GIGYF2: variants seen among roughly 807,000 people sequenced by gnomAD.
GIGYF2 encodes the protein GRB10-interacting GYF protein 2.
GIGYF2 carries 25 observed loss-of-function variants against 208.1 expected under a neutral mutation model. The observed-to-expected ratio is 0.12, with a 90% CI of 0.09 to 0.17. The LOEUF (loss-of-function observed/expected upper bound fraction) is 0.17. Among genes scored for constraint, GIGYF2 ranks in the 10% least tolerant of loss-of-function variants. The pLI, the probability that GIGYF2 is intolerant of heterozygous loss-of-function variation, is 1.00. For synonymous variants in GIGYF2, 534 were observed against 543.8 expected (o/e 0.98, Z 0.25); for missense variants, 1,302 against 1,579.4 (o/e 0.82, Z 2.98).
At chr2:232,720,583 A>ATATTTTTT (rs376956632) in intron 2 of GIGYF2, among the ~76,000 whole-genome samples, 1,507 of 144,920 alleles carry the variant, frequency 0.01, 14 homozygotes, top group South Asian at 0.03. Flanking sequence ...ATATATATAT[A>ATATTTTTT]TTTTTGTTTG....
At chr2:232,722,178 C>T (rs7557131) in intron 2 of GIGYF2, among the ~76,000 whole-genome samples, 28,667 of 152,070 alleles carry the variant, frequency 0.19, 2,952 homozygotes, top group Non-Finnish European at 0.22. Flanking sequence ...CTTGTATTAG[C>T]CCATTTTCAT....
At chr2:232,783,740 G>A (rs1187590474) in intron 8 of GIGYF2, among the ~76,000 whole-genome samples, 1 of 152,120 alleles carries the variant, frequency 6.6e-6, no homozygotes, top group Non-Finnish European at 1.5e-5. Flanking sequence ...AGGCTGGAGT[G>A]CAATGGTGCG....
intron 8 of GIGYF2, among the ~76,000 whole-genome samples, chr2:232,782,355 G>T (rs1175725330): frequency 2.6e-5 from 4 of 152,136 alleles, no homozygotes; most frequent in African/African-American, 9.7e-5. Flanking sequence ...GAGCCACCAT[G>T]CCTGGCCAGT....
intron 1 of GIGYF2, 67 bp from the exon 2 acceptor site, chr2:232,703,357 G>A (rs1188157013): frequency 6.6e-6 from 1 of 152,588 alleles, no homozygotes; most frequent in Non-Finnish European, 1.5e-5. Context: ...TATGATGAAA[G>A]ATTGTACTTT....
At position 232,790,639 on chromosome 2, in the gene GIGYF2, T is replaced by C. The variant is rs114806808; in HGVS notation, c.713-59T>C. ...CTCCTTTATTTTCTATTCCTGATTT[T>C]CTTATTCAAATACTGTCATAAAACT... On this transcript the variant is annotated intron_variant, in intron 9 of 28. Transcript: ENST00000373563. The C allele has an allele frequency of 1.0e-3, 1,367 of 1,355,004 alleles. 7 individuals carry two copies. The African/African-American group carries it at 0.018, about 18-fold the overall frequency. The allele number at this position is 1,355,004 out of a possible 1,614,324, so 83.9% of individuals were successfully genotyped here.
At chr2:232,748,920 ATCT>A in intron 4 of GIGYF2, 64 bp from the exon 5 acceptor site, 2 of 804,176 alleles carry the variant, frequency 2.5e-6, no homozygotes, top group South Asian at 1.3e-5. Context: ...TCTTGGATTT[ATCT>A]TCTTGTATTT....
intron 20 of GIGYF2, among the ~76,000 whole-genome samples, chr2:232,817,916 T>C (rs191926714): frequency 6.6e-6 from 1 of 152,338 alleles, no homozygotes; most frequent in African/African-American, 2.4e-5. Context: ...ATGGTCATTC[T>C]CTTTTGAATT....
At chr2:232,718,832 T>C (rs1696816433) in intron 2 of GIGYF2, among the ~76,000 whole-genome samples, 1 of 152,106 alleles carries the variant, frequency 6.6e-6, no homozygotes, top group Admixed American at 6.6e-5. Flanking sequence ...TGGAAAAACG[T>C]AGGTAGGCAG....
At chr2:232,760,807 G>C (rs1353470719) in intron 7 of GIGYF2, among the ~76,000 whole-genome samples, 2 of 149,592 alleles carry the variant, frequency 1.3e-5, no homozygotes, top group Admixed American at 6.8e-5. Flanking sequence ...ATGAGTGCCA[G>C]CATAGTTAAT....
At position 232,838,974 on chromosome 2, in the gene GIGYF2, T is replaced by G. The variant is rs1701733891; in HGVS notation, c.2767-875T>G. On this transcript the variant is annotated intron_variant, in intron 22 of 28. Coordinates refer to ENST00000373563, the MANE Select transcript of GIGYF2 (RefSeq NM_001103146.3). ...TGATGGTTTAAACTGTTTATACCTT[T>G]TATCCTATCAATATCCACTGTTATA... 2.0e-5 allele frequency among the ~76,000 whole-genome samples: 3 copies of G among 152,354 alleles called. No homozygotes were observed. In the South Asian group the frequency reaches 6.2e-4, roughly 32 times the overall value.
Position 232,777,176 on chromosome 2 carries a change from C to T in GIGYF2, c.533-9974C>T, listed in dbSNP as rs2289916. Among the ~76,000 whole-genome samples the T allele has an allele frequency of 0.013, 1,966 of 151,824 alleles. 87 individuals are homozygous for T. The East Asian group carries it at 0.17, about 13-fold the overall frequency. Reference sequence around the variant, plus strand: ...TAGGAATAAAATTAATTGTTCTGTACCTGATACTTTAAAAAATGCACACCT... The same window carrying T: ...TAGGAATAAAATTAATTGTTCTGTATCTGATACTTTAAAAAATGCACACCT... On this transcript the variant is annotated intron_variant, in intron 8 of 28. Coordinates refer to ENST00000373563, the MANE Select transcript of GIGYF2 (RefSeq NM_001103146.3).
intron 15 of GIGYF2, among the ~76,000 whole-genome samples, chr2:232,809,471 G>A (rs1470589170): frequency 6.6e-6 from 1 of 152,172 alleles, no homozygotes; most frequent in Non-Finnish European, 1.5e-5. Context: ...AATGGAGAAT[G>A]GCAGCTGAAA....
chr2:232,704,332 A>G (rs751766284), intron 2 of GIGYF2, among the ~76,000 whole-genome samples: 43 of 152,166 alleles, frequency 2.8e-4, no homozygotes, highest in Non-Finnish European at 5.4e-4. Context: ...GTACATGCCT[A>G]TCTATCTTTT....
At chr2:232,773,989 C>A (rs892661055) in intron 8 of GIGYF2, among the ~76,000 whole-genome samples, 2 of 147,726 alleles carry the variant, frequency 1.4e-5, no homozygotes, top group African/African-American at 5.0e-5. Context: ...TTACAGATAA[C>A]GAAAGTGAGG....
At chr2:232,759,093 A>G (rs1262227649) in intron 6 of GIGYF2, among the ~76,000 whole-genome samples, 1 of 152,200 alleles carries the variant, frequency 6.6e-6, no homozygotes, top group Admixed American at 6.5e-5. Context: ...TACCCACAAA[A>G]TAATTTGGTG....
At chr2:232,814,476 T>C (rs914446679) in intron 18 of GIGYF2, among the ~76,000 whole-genome samples, 49 of 147,774 alleles carry the variant, frequency 3.3e-4, no homozygotes, top group Admixed American at 5.5e-4. Flanking sequence ...GGCAGGAGAA[T>C]CGCTTGAACC....
At chr2:232,729,063 C>T (rs879407312) in intron 2 of GIGYF2, among the ~76,000 whole-genome samples, 12 of 152,138 alleles carry the variant, frequency 7.9e-5, no homozygotes, top group African/African-American at 1.4e-4. Flanking sequence ...ACTGCAGTCT[C>T]GACCTCCTGG....
intron 2 of GIGYF2, among the ~76,000 whole-genome samples, chr2:232,711,226 T>G (rs1696382161): frequency 6.6e-6 from 1 of 150,554 alleles, no homozygotes. Flanking sequence ...TAGCTGGGAC[T>G]CCAGGCGTGC....
intron 2 of GIGYF2, among the ~76,000 whole-genome samples, chr2:232,706,448 A>C (rs1696114628): frequency 6.6e-6 from 1 of 152,116 alleles, no homozygotes; most frequent in South Asian, 2.1e-4. Flanking sequence ...GTTCAAAACT[A>C]GTCTGGGAAA....
Sources: allele counts gnomAD v4.1 joint callset (sites outside exome capture counted in the v4.1 genomes callset), GRCh38; gene constraint gnomAD v4.1.1; transcripts MANE v1.5; gene names NCBI Gene and HGNC (gene_info 2026-07-23, HGNC 2026-07-21).